CCDC62: variants seen among roughly 807,000 people sequenced by gnomAD.
The protein encoded by CCDC62 is coiled-coil domain-containing protein 62.
CCDC62 carries 72 observed loss-of-function variants against 80.8 expected under a neutral mutation model. The observed-to-expected ratio is 0.89, with a 90% CI of 0.74 to 1.08. The LOEUF is 1.08. Ranked by LOEUF, CCDC62 falls within the 50% of genes least tolerant of loss-of-function variation. CCDC62 has a pLI of 0.00. For synonymous variants in CCDC62, 286 were observed against 296.5 expected, an observed-to-expected ratio of 0.96 and a Z score of 0.36; for missense variants, 704 against 809.4, an observed-to-expected ratio of 0.87 and a Z score of 1.58.
chr12:122,786,832 C>T (rs968755062), intron 4 of CCDC62, among the ~76,000 whole-genome samples: 31 of 152,118 alleles, frequency 2.0e-4, no homozygotes, highest in Admixed American at 3.9e-4. Context: ...AGGTGGCGGG[C>T]GCCTGTAGTC....
At chr12:122,824,481 AG>A (rs2032532563) in intron 12 of CCDC62, among the ~76,000 whole-genome samples, 1 of 152,152 alleles carries the variant, frequency 6.6e-6, no homozygotes, top group Non-Finnish European at 1.5e-5. Context: ...TACTCATGCA[AG>A]AATGGCCATA....
chr12:122,820,332 C>A (rs531511863), intron 11 of CCDC62, among the ~76,000 whole-genome samples: 1 of 152,326 alleles, frequency 6.6e-6, no homozygotes, highest in Non-Finnish European at 1.5e-5. Flanking sequence ...CACATTGCCT[C>A]ATGGCGGGCT....
chr12:122,794,656 AG>A (rs1208603689), intron 6 of CCDC62, among the ~76,000 whole-genome samples: 2 of 152,092 alleles, frequency 1.3e-5, no homozygotes, highest in Non-Finnish European at 2.9e-5. Flanking sequence ...AGCCTACAAA[AG>A]AATTTATTTA....
chr12:122,809,028 A>G (rs1205652696), intron 10 of CCDC62, among the ~76,000 whole-genome samples: 1 of 152,200 alleles, frequency 6.6e-6, no homozygotes, highest in African/African-American at 2.4e-5. Flanking sequence ...GCACCTTTTC[A>G]CACGCTAAAC....
At chr12:122,781,493 C>G (rs1356201234) in intron 3 of CCDC62, among the ~76,000 whole-genome samples, 163 bp downstream of exon 3, 4 of 152,024 alleles carry the variant, frequency 2.6e-5, no homozygotes, top group Admixed American at 1.3e-4. Context: ...CGAGACCAGC[C>G]TGGCCAGCGT....
At chr12:122,774,731 G>T (rs1004511208) in intron 1 of CCDC62, 25 bp downstream of exon 1, 1 of 1,245,806 alleles carries the variant, frequency 8.0e-7, no homozygotes, top group Non-Finnish European at 1.0e-6. Flanking sequence ...CGGGCGCGGC[G>T]GGGCGCCGCG....
chr12:122,816,742 G>A (rs934572358), intron 11 of CCDC62, among the ~76,000 whole-genome samples: 3 of 151,960 alleles, frequency 2.0e-5, no homozygotes, highest in Non-Finnish European at 4.4e-5. Context: ...CAAAAAGAGA[G>A]ACAGAATTCA....
At chr12:122,810,989 G>C (rs2031845579) in intron 10 of CCDC62, among the ~76,000 whole-genome samples, 1 of 142,486 alleles carries the variant, frequency 7.0e-6, no homozygotes, top group Non-Finnish European at 1.5e-5. Flanking sequence ...TTGGACACAG[G>C]AAGGGGGACA....
At chr12:122,774,912 A>AC (rs1879323789) in intron 1 of CCDC62, among the ~76,000 whole-genome samples, 1 of 149,344 alleles carries the variant, frequency 6.7e-6, no homozygotes, top group African/African-American at 2.5e-5. Flanking sequence ...ACACAGTGAA[A>AC]CCCCGTCTCT....
intron 11 of CCDC62, among the ~76,000 whole-genome samples, chr12:122,816,786 A>C (rs1187239641): frequency 5.3e-5 from 8 of 149,632 alleles, no homozygotes; most frequent in Non-Finnish European, 1.0e-4. Flanking sequence ...CACCCTTCTA[A>C]AGTGTACAAT....
At chr12:122,779,866 C>G (rs1013347501) in intron 2 of CCDC62, among the ~76,000 whole-genome samples, 1 of 127,668 alleles carries the variant, frequency 7.8e-6, no homozygotes, top group Non-Finnish European at 1.6e-5. Context: ...TGAGATCACA[C>G]CACTGCACTC....
At chr12:122,787,791 T>G (rs530816181) in intron 4 of CCDC62, among the ~76,000 whole-genome samples, 1 of 151,934 alleles carries the variant, frequency 6.6e-6, no homozygotes, top group Non-Finnish European at 1.5e-5. Context: ...TCTTAGAGAT[T>G]TTATTTGATG....
At chr12:122,791,989 T>C in intron 5 of CCDC62, 31 bp from the exon 6 acceptor site, 1 of 1,467,002 alleles carries the variant, frequency 6.8e-7, no homozygotes. Flanking sequence ...TAGTATTTAT[T>C]TGAGGACTTT....
intron 6 of CCDC62, among the ~76,000 whole-genome samples, chr12:122,796,695 A>G (rs1052151627): frequency 6.6e-6 from 1 of 152,112 alleles, no homozygotes; most frequent in Non-Finnish European, 1.5e-5. Context: ...CAGGAGTTCA[A>G]GACCAGCTTG....
chr12:122,814,127 C>T (rs2135583354), intron 11 of CCDC62, among the ~76,000 whole-genome samples: 1 of 151,446 alleles, frequency 6.6e-6, no homozygotes, highest in East Asian at 2.0e-4. Flanking sequence ...ACTAAAAATA[C>T]AAAATTAGCC....
intron 11 of CCDC62, among the ~76,000 whole-genome samples, chr12:122,813,712 A>G (rs1443792701): frequency 2.0e-5 from 3 of 152,146 alleles, no homozygotes; most frequent in Non-Finnish European, 4.4e-5. Context: ...GCTGAGGTGC[A>G]GTGGCACGAT....
intron 10 of CCDC62, among the ~76,000 whole-genome samples, chr12:122,806,674 C>A (rs1205745632): frequency 6.6e-6 from 1 of 151,770 alleles, no homozygotes; most frequent in Non-Finnish European, 1.5e-5. Flanking sequence ...GAGACAGGGT[C>A]TCAATTTGTT....
At chr12:122,792,425 T>C (rs1444406656) in intron 6 of CCDC62, among the ~76,000 whole-genome samples, 1 of 151,840 alleles carries the variant, frequency 6.6e-6, no homozygotes, top group African/African-American at 2.4e-5. Flanking sequence ...TTCACCACAT[T>C]GGTCAGGCTG....
At chr12:122,809,393 C>T (rs1178689982) in intron 10 of CCDC62, among the ~76,000 whole-genome samples, 1 of 152,102 alleles carries the variant, frequency 6.6e-6, no homozygotes, top group Non-Finnish European at 1.5e-5. Flanking sequence ...AAGAGGTTGA[C>T]GTGGAAGAAT....
Sources: allele counts gnomAD v4.1 joint callset (sites outside exome capture counted in the v4.1 genomes callset), GRCh38; gene constraint gnomAD v4.1.1; transcripts MANE v1.5; gene names NCBI Gene and HGNC (gene_info 2026-07-23, HGNC 2026-07-21).